The following ZAP70 variants were observed in gnomAD, a reference collection of about 807,000 sequenced individuals.
ZAP70 encodes the protein tyrosine-protein kinase ZAP-70.
In ZAP70, 27 loss-of-function variants were observed where a neutral mutation model predicts 65.8. The observed-to-expected ratio is 0.41, with a 90% confidence interval of 0.30 to 0.57. ZAP70 has a LOEUF of 0.57. ZAP70 is among the 20% of genes least tolerant of loss of function. ZAP70 has a pLI of 0.28. For synonymous variants in ZAP70, 363 were observed against 360.8 expected (o/e 1.01, Z -0.07); for missense variants, 696 against 870.5 (o/e 0.80, Z 2.52).
rs149448335 is a variant in ZAP70 at position 97,735,449 on chromosome 2, G to A, written c.1282G>A (p.Gly428Ser). The A allele has an allele frequency of 3.5e-5, 57 of 1,610,858 alleles. No individual in the cohort carries two copies. Among genetic ancestry groups the A allele is most frequent in the African/African-American group, 9.3e-5 (7 of 74,868 alleles). Residue 428 changes from glycine (G) to serine (S), a missense_variant, in exon 10 of 14, where the codon GGC (glycine) becomes AGC (serine). This residue lies in a region of ZAP70 where 551 missense variants were observed against 630.0 expected (regional missense o/e 0.87). Transcript: ENST00000264972. ...CGGGCCGCTGCACAAGTTCCTGGTC[G>A]GCAAGAGGTGAGCACCGGGTGGGCC... Reference protein sequence around the residue: ...GGGPLHKFLVGKREEIPVSNV... With the variant: ...GGGPLHKFLVSKREEIPVSNV...
chr2:97,755,297 A>T, the ZAP70 span, among the ~76,000 whole-genome samples: 3 of 152,150 alleles, frequency 2.0e-5, no homozygotes, highest in African/African-American at 7.2e-5. Flanking sequence ...TAAAAGAAAA[A>T]AAATAAAATT....
chr2:97,734,247 C>T (rs1009530135), intron 8 of ZAP70: 2 of 867,294 alleles, frequency 2.3e-6, no homozygotes, highest in Non-Finnish European at 3.3e-6. Context: ...ACATGCACAC[C>T]CCAGCTGGCA....
intron 4 of ZAP70, 48 bp downstream of exon 4, chr2:97,725,300 G>A (rs1319781619): frequency 6.2e-7 from 1 of 1,602,986 alleles, no homozygotes; most frequent in Admixed American, 1.7e-5. Context: ...GGGCTCGTTG[G>A]CAGGGATCCT....
chr2:97,754,090 C>A, the ZAP70 span, among the ~76,000 whole-genome samples: 1 of 152,192 alleles, frequency 6.6e-6, no homozygotes, highest in Non-Finnish European at 1.5e-5. Context: ...GACTATCATG[C>A]CAACAAGTGT....
In ZAP70 at chr2:97,732,901, G is replaced by A. The variant is rs1167024660; in HGVS notation, c.582G>A (p.Glu194=). 2.5e-6 allele frequency: 4 copies of A among 1,613,856 alleles called. No homozygotes were observed. Among genetic ancestry groups the A allele is most frequent in the Non-Finnish European group, 3.4e-6 (4 of 1,180,038 alleles). The change falls in exon 5 of 14, where the codon GAG becomes GAA. Residue 194 remains glutamate, a synonymous_variant. Transcript: ENST00000264972. The part of the protein sequence containing the change: ...DGKFLLRPRK[E]QGTYALSLIY... The stretch of plus-strand genomic sequence containing the variant: ...CTGCCAGGCTGAGGCCGCGGAAGGA[G>A]CAGGGCACATACGCCCTGTCCCTCA...
chr2:97,732,834 A>G, intron 4 of ZAP70, 49 bp from the exon 5 acceptor site: 8 of 1,611,486 alleles, frequency 5.0e-6, no homozygotes, highest in Non-Finnish European at 6.8e-6. Context: ...GCACAGCAGG[A>G]GGCCCCCAGG....
downstream of ZAP70, among the ~76,000 whole-genome samples, chr2:97,744,787 CAAACA>C (rs777718609): frequency 2.0e-5 from 3 of 152,102 alleles, no homozygotes; most frequent in Non-Finnish European, 2.9e-5. Flanking sequence ...TTGATTTCCA[CAAACA>C]AAACAAACAA....
Position 97,715,545 on chromosome 2 carries a change from A to G in ZAP70, c.-22+1551A>G, listed in dbSNP as rs976440159. Among the ~76,000 whole-genome samples the G allele has an allele frequency of 6.6e-6, 1 of 152,180 alleles. No homozygotes were observed. The highest frequency in any genetic ancestry group is 1.5e-5 in the Non-Finnish European group (1 of 68,032). On this transcript the variant is annotated intron_variant, in intron 2 of 13. Transcript: ENST00000264972. The surrounding 1 kb of genome is among the most constrained non-coding windows in gnomAD (Gnocchi z 4.1). ...GAGGGGCGGTGGAAGGGCATTGTTC[A>G]ATCAACAGACACTTGGAGAGTGTGC... is the stretch of plus-strand genomic sequence containing the variant.
intron 4 of ZAP70, among the ~76,000 whole-genome samples, chr2:97,727,743 C>T (rs1413928997): frequency 6.6e-6 from 1 of 152,190 alleles, no homozygotes; most frequent in Non-Finnish European, 1.5e-5. Context: ...TTTCCCCCTA[C>T]ATCCCCAATG....
At chr2:97,739,344 C>A (rs750257670) in intron 13 of ZAP70, 31 bp from the exon 14 acceptor site, 1 of 1,612,120 alleles carries the variant, frequency 6.2e-7, no homozygotes, top group Non-Finnish European at 8.5e-7. Context: ...GGGGCGTGGT[C>A]AGCAGCCTGG....
intron 2 of ZAP70, among the ~76,000 whole-genome samples, chr2:97,716,775 T>G (rs1334112880): frequency 1.3e-5 from 2 of 152,030 alleles, no homozygotes; most frequent in African/African-American, 2.4e-5. Context: ...GACTTGCATT[T>G]TCACCCCGAG....
At chr2:97,743,397 G>A (rs1179127058), downstream of ZAP70, among the ~76,000 whole-genome samples, 21 of 152,164 alleles carry the variant, frequency 1.4e-4, no homozygotes, top group Admixed American at 1.0e-3. Context: ...GTGCAATGGC[G>A]CGATCTTGGC....
rs141613906 is a variant in ZAP70, at chr2:97,733,011, C to T, written c.692C>T (p.Thr231Met). 54 of 1,614,020 alleles carry T rather than the reference C, an allele frequency of 3.3e-5. No homozygotes were observed. The highest frequency in any genetic ancestry group is 6.7e-5 in the East Asian group (3 of 44,904). The change falls in exon 5 of 14, where the codon ACG (threonine) becomes ATG (methionine). Residue 231 changes from threonine (T) to methionine (M), a missense_variant. Around this residue, in one of 3 missense-constraint regions of ZAP70, gnomAD observed 551 missense variants for 630.0 expected, o/e 0.87. Coordinates refer to ENST00000264972, the MANE Select transcript of ZAP70 (RefSeq NM_001079.4). ...ATTCCCGAGGGCACCAAGTTTGACA[C>T]GCTCTGGCAGGTAGGCTGCCCGTGC... ...YCIPEGTKFD[T>M]LWQLVEYLKL...
At chr2:97,732,708 C>A in intron 4 of ZAP70, 175 bp from the exon 5 acceptor site, 1 of 886,172 alleles carries the variant, frequency 1.1e-6, no homozygotes, top group Non-Finnish European at 1.7e-6. Flanking sequence ...GCCACTTGGC[C>A]CATCATCAGC....
In ZAP70 at chr2:97,737,891, C is replaced by T. The variant is rs189807102; in HGVS notation, c.1617C>T (p.Pro539=). The change falls in exon 12 of 14, where the codon CCC becomes CCT. Residue 539 remains proline, a synonymous_variant. Transcript: ENST00000264972. This position sits in a 1 kb window ranked among gnomAD's most constrained non-coding sequence, Gnocchi z 5.0. ...MWEALSYGQK[P]YKKMKGPEVM... ...AGGCCTTGTCCTACGGCCAGAAGCC[C>T]TACAAGGCAGGCGCGGGCAGAGGCA... The T allele has an allele frequency of 1.2e-5, 19 of 1,614,130 alleles. No homozygotes were observed. In the African/African-American group the frequency reaches 2.5e-4, roughly 22 times the overall value.
chr2:97,725,332 T>G lies in ZAP70; in HGVS notation c.563+80T>G, dbSNP rs1677345308. 7 of 1,565,622 alleles carry G rather than the reference T, an allele frequency of 4.5e-6. No homozygotes were observed. In the Admixed American group the frequency reaches 1.2e-4, roughly 27 times the overall value. ...TCCTGGGGACTGGGGCAGACGTGAG[T>G]GTGCAGTTGGGCCGTAAGGGTGTCC... On this transcript the variant is annotated intron_variant, in intron 4 of 13. Transcript: ENST00000264972.
chr2:97,755,212 G>A, the ZAP70 span, among the ~76,000 whole-genome samples: 2 of 152,122 alleles, frequency 1.3e-5, no homozygotes, highest in Non-Finnish European at 2.9e-5. Context: ...CTCGCCTCGT[G>A]TCTGTGTGAA....
At chr2:97,714,303 G>T (rs183934409) in intron 2 of ZAP70, among the ~76,000 whole-genome samples, 5 of 152,314 alleles carry the variant, frequency 3.3e-5, no homozygotes, top group Admixed American at 3.3e-4. Context: ...CGGAGGCAGA[G>T]AAACCTCCAG....
chr2:97,737,322 G>T lies in ZAP70; in HGVS notation c.1290-151G>T, dbSNP rs984245058. On this transcript the variant is annotated intron_variant, in intron 10 of 13. Transcript: ENST00000264972. The surrounding 1 kb of genome is among the most constrained non-coding windows in gnomAD (Gnocchi z 5.0). ...TGTTTTGTTCACTGCTGTGTCCCCA[G>T]CCCCACGCCTGGCACACAGCAGGTG... is the stretch of plus-strand genomic sequence containing the variant. 5.4e-5 allele frequency: 42 copies of T among 783,474 alleles called. 2 individuals are homozygous for T. The highest frequency in any genetic ancestry group is 8.4e-5 in the Non-Finnish European group (39 of 466,246). 48.5% of individuals were successfully genotyped at this position (783,474 alleles called of 1,614,324 possible). A position where few individuals can be genotyped will look rare whatever the true frequency, so the allele number is the denominator to read the frequency against.
Sources: gnomAD v4.1 joint callset for allele counts (sites outside exome capture counted in the v4.1 genomes callset) on GRCh38, gnomAD v4.1.1 for gene constraint, gnomAD v4.1.1 regional missense constraint, Gnocchi (gnomAD v3.1) non-coding constraint, MANE v1.5 for transcripts, NCBI Gene and HGNC (gene_info 2026-07-23, HGNC 2026-07-21) for gene names.